CNTN3: variants seen among roughly 807,000 people sequenced by gnomAD.
CNTN3 encodes the protein contactin 3.
In CNTN3, 60 loss-of-function variants were observed where a neutral mutation model predicts 119.1. The ratio of observed to expected loss-of-function variants is 0.50; its 90% CI spans 0.41 to 0.62. The LOEUF (loss-of-function observed/expected upper bound fraction) is 0.62, where lower values mean the gene tolerates loss of function less well. Among genes scored for constraint, CNTN3 ranks in the 20% least tolerant of loss-of-function variants. The pLI, the probability that CNTN3 is intolerant of heterozygous loss-of-function variation, is 0.00. For missense variants in CNTN3, 1,101 were observed against 1,242.4 expected (o/e 0.89, Z 1.71); for synonymous variants, 450 against 438.7 (o/e 1.03, Z -0.32).
intron 4 of CNTN3, among the ~76,000 whole-genome samples, chr3:74,467,953 C>A (rs774350342): frequency 6.6e-6 from 1 of 152,176 alleles, no homozygotes; most frequent in East Asian, 1.9e-4. Flanking sequence ...TGCCAAGAAG[C>A]ATTCAATCTA....
intron 4 of CNTN3, among the ~76,000 whole-genome samples, chr3:74,473,923 T>G (rs1297438749): frequency 5.3e-5 from 8 of 152,126 alleles, no homozygotes; most frequent in Non-Finnish European, 8.8e-5. Context: ...ACAAAGGTAA[T>G]GAGTAAAATT....
At chr3:74,290,715 G>A (rs1702211458) in intron 19 of CNTN3, among the ~76,000 whole-genome samples, 2 of 151,792 alleles carry the variant, frequency 1.3e-5, no homozygotes, top group African/African-American at 2.4e-5. Context: ...TTTTTGAGAC[G>A]GAGTCTCGCT....
chr3:74,324,506 C>G (rs1189353891), intron 13 of CNTN3, among the ~76,000 whole-genome samples: 2 of 152,164 alleles, frequency 1.3e-5, no homozygotes, highest in East Asian at 3.9e-4. Flanking sequence ...TAAGAATTGT[C>G]AAGTGATGTA....
intron 5 of CNTN3, among the ~76,000 whole-genome samples, chr3:74,413,034 T>C (rs1701463325): frequency 6.6e-6 from 1 of 152,192 alleles, no homozygotes; most frequent in Admixed American, 6.5e-5. Context: ...CTCCTCTCTG[T>C]GGCAGGAAAG....
At chr3:74,584,774 A>C (rs1290180878) in intron 1 of CNTN3, among the ~76,000 whole-genome samples, 1 of 152,188 alleles carries the variant, frequency 6.6e-6, no homozygotes, top group Non-Finnish European at 1.5e-5. Context: ...TTAAATAGAT[A>C]CTATTATTAC....
intron 11 of CNTN3, among the ~76,000 whole-genome samples, chr3:74,354,987 C>A (rs1282003640): frequency 1.3e-5 from 2 of 152,124 alleles, no homozygotes; most frequent in African/African-American, 4.8e-5. Context: ...CAGCTACCAT[C>A]TCCAAGCTCA....
intron 1 of CNTN3, among the ~76,000 whole-genome samples, chr3:74,574,303 G>A (rs1428853284): frequency 6.6e-6 from 1 of 152,152 alleles, no homozygotes; most frequent in Non-Finnish European, 1.5e-5. Flanking sequence ...AGAGACTGGG[G>A]AGTGATTGCT....
intron 1 of CNTN3, among the ~76,000 whole-genome samples, chr3:74,535,453 G>A (rs1703750575): frequency 6.6e-6 from 1 of 152,058 alleles, no homozygotes; most frequent in Non-Finnish European, 1.5e-5. Context: ...GATTCACGAT[G>A]ATAGCATAAA....
At chr3:74,519,749 C>A (rs11128392) in intron 2 of CNTN3, among the ~76,000 whole-genome samples, 134,078 of 151,648 alleles carry the variant, frequency 0.88, 59,724 homozygotes, top group East Asian at 0.95. Flanking sequence ...ATTTGAAAGT[C>A]AGAAATTTTT....
At chr3:74,297,337 T>C (rs1702359194) in intron 18 of CNTN3, among the ~76,000 whole-genome samples, 1 of 150,870 alleles carries the variant, frequency 6.6e-6, no homozygotes, top group Admixed American at 6.6e-5. Flanking sequence ...CAGGTCTCAA[T>C]CAATTTTGGG....
chr3:74,413,335 C>A (rs1701468765), intron 5 of CNTN3, among the ~76,000 whole-genome samples: 1 of 152,068 alleles, frequency 6.6e-6, no homozygotes, highest in African/African-American at 2.4e-5. Flanking sequence ...GCAACATAAC[C>A]TATTGAAAGC....
intron 1 of CNTN3, among the ~76,000 whole-genome samples, chr3:74,587,911 G>A (rs1575849245): frequency 6.6e-6 from 1 of 152,258 alleles, no homozygotes; most frequent in East Asian, 1.9e-4. Context: ...TGCCCATTCA[G>A]TATGACATTG....
At chr3:74,429,320 A>G (rs1220497938) in intron 4 of CNTN3, among the ~76,000 whole-genome samples, 2 of 152,044 alleles carry the variant, frequency 1.3e-5, no homozygotes, top group African/African-American at 4.8e-5. Context: ...GATCAAGACC[A>G]TGTGGTAGTG....
intron 2 of CNTN3, among the ~76,000 whole-genome samples, chr3:74,503,839 T>C (rs1358514733): frequency 2.6e-5 from 4 of 152,050 alleles, no homozygotes; most frequent in Admixed American, 2.6e-4. Context: ...CATCCTAAAA[T>C]AAGGGGCATA....
intron 13 of CNTN3, among the ~76,000 whole-genome samples, chr3:74,317,430 C>A (rs147526186): frequency 7.0e-4 from 106 of 152,232 alleles, no homozygotes; most frequent in Non-Finnish European, 1.1e-3. Context: ...TTCTTCCTAG[C>A]CCTGATGGTC....
chr3:74,280,249 A>T (rs1453280569), intron 20 of CNTN3, among the ~76,000 whole-genome samples: 1 of 152,226 alleles, frequency 6.6e-6, no homozygotes, highest in Non-Finnish European at 1.5e-5. Flanking sequence ...CTCCACTTAC[A>T]TGGATGAGCA....
chr3:74,444,771 C>T (rs1280914747), intron 4 of CNTN3, among the ~76,000 whole-genome samples: 1 of 152,098 alleles, frequency 6.6e-6, no homozygotes, highest in Non-Finnish European at 1.5e-5. Flanking sequence ...TCAATTATAA[C>T]CCTATCAGGT....
In CNTN3 at chr3:74,354,487, C is replaced by T. The variant is rs147763969; in HGVS notation, c.1364+7403G>A. Among the ~76,000 whole-genome samples, 530 of 152,076 alleles carry T rather than the reference C, an allele frequency of 3.5e-3. 11 individuals are homozygous for T. The highest frequency in any genetic ancestry group is 0.012 in the African/African-American group (514 of 41,444). On this transcript the variant is annotated intron_variant, in intron 11 of 22. Transcript: ENST00000263665. ...AAGGGTCTTTTTCAATGTTAGTTTCCTTAAAAGAGACAAAACATACAGTTT... is the reference window on the plus strand; with the variant it reads ...AAGGGTCTTTTTCAATGTTAGTTTCTTTAAAAGAGACAAAACATACAGTTT...
chr3:74,318,635 C>T (rs146558802), intron 13 of CNTN3, among the ~76,000 whole-genome samples: 2,358 of 152,204 alleles, frequency 0.015, 19 homozygotes, highest in Middle Eastern at 0.02. Flanking sequence ...GTATCAGCAG[C>T]GGTGGCTGCA....
Sources: gnomAD v4.1 joint callset for allele counts (sites outside exome capture counted in the v4.1 genomes callset) on GRCh38, gnomAD v4.1.1 for gene constraint, MANE v1.5 for transcripts, NCBI Gene and HGNC (gene_info 2026-07-23, HGNC 2026-07-21) for gene names.